Variants in RIMS2 observed in about 807,000 individuals in gnomAD.
The protein encoded by RIMS2 is regulating synaptic membrane exocytosis protein 2.
In RIMS2, 59 loss-of-function variants were observed where a neutral mutation model predicts 174.4. The ratio of observed to expected loss-of-function variants is 0.34; its 90% CI spans 0.27 to 0.42. The LOEUF is 0.42. Among genes scored for constraint, RIMS2 ranks in the 10% least tolerant of loss-of-function variants. The pLI, the probability that RIMS2 is intolerant of heterozygous loss-of-function variation, is 1.00. For synonymous variants in RIMS2, 606 were observed against 572.5 expected (o/e 1.06, Z -0.84); for missense variants, 1,620 against 1,666.3 (o/e 0.97, Z 0.48).
intron 19 of RIMS2, among the ~76,000 whole-genome samples, chr8:104,105,206 G>A (rs183763149): frequency 1.3e-5 from 2 of 152,266 alleles, no homozygotes; most frequent in Non-Finnish European, 2.9e-5. Context: ...GGTGTCGGGA[G>A]GGGCAGAGGT....
chr8:103,814,395 C>T (rs765346960), intron 3 of RIMS2, among the ~76,000 whole-genome samples: 9 of 150,788 alleles, frequency 6.0e-5, no homozygotes, highest in Non-Finnish European at 1.2e-4. Context: ...ACATGTACCC[C>T]TAAACTTAAA....
chr8:103,962,406 GGATTCATT>G (rs1338539470), intron 15 of RIMS2, among the ~76,000 whole-genome samples: 2 of 151,966 alleles, frequency 1.3e-5, no homozygotes, highest in Admixed American at 6.6e-5. Flanking sequence ...TGCTTACTCT[GGATTCATT>G]AAGTTTCTTC....
chr8:103,773,069 A>G (rs185835025), intron 3 of RIMS2, among the ~76,000 whole-genome samples: 1 of 152,148 alleles, frequency 6.6e-6, no homozygotes, highest in Non-Finnish European at 1.5e-5. Context: ...GAACTAGAGG[A>G]TAACTTCTTC....
At chr8:103,528,401 T>A (rs1282070874) in intron 1 of RIMS2, among the ~76,000 whole-genome samples, 1 of 152,188 alleles carries the variant, frequency 6.6e-6, no homozygotes, top group African/African-American at 2.4e-5. Flanking sequence ...TTTAATTAGA[T>A]CCCATTTGTC....
chr8:104,081,250 G>A (rs1192126620), intron 19 of RIMS2, among the ~76,000 whole-genome samples: 4 of 151,772 alleles, frequency 2.6e-5, no homozygotes, highest in African/African-American at 4.8e-5. Context: ...AGCCCTTTTC[G>A]ATTTTCTGCC....
intron 3 of RIMS2, among the ~76,000 whole-genome samples, chr8:103,852,598 A>G (rs115750526): frequency 0.01 from 1,567 of 151,676 alleles, 30 homozygotes; most frequent in African/African-American, 0.036. Context: ...TATTGTTCCC[A>G]TGTTTATGTC....
Position 104,179,479 on chromosome 8 carries a change from G to T in RIMS2, c.3335-65437G>T, listed in dbSNP as rs141379090. ...TCTTTACTAATAATAATGCACAGGA[G>T]AATCCATTTTCACTTGATAAAATAT... On this transcript the variant is annotated intron_variant, in intron 19 of 23. Transcript: ENST00000504942. Among the ~76,000 whole-genome samples, 295 of 151,904 alleles carry T rather than the reference G, an allele frequency of 1.9e-3. 5 individuals carry two copies. Among genetic ancestry groups the T allele is most frequent in the East Asian group, 7.7e-3 (40 of 5,166 alleles).
chr8:103,921,002 G>A (rs867179058), intron 9 of RIMS2: 2 of 196,280 alleles, frequency 1.0e-5, no homozygotes, highest in Non-Finnish European at 2.1e-5. Flanking sequence ...CTGTCTCAAA[G>A]CAACAACAAC....
At chr8:103,575,292 G>A (rs2093132784) in intron 1 of RIMS2, among the ~76,000 whole-genome samples, 1 of 152,148 alleles carries the variant, frequency 6.6e-6, no homozygotes, top group Admixed American at 6.5e-5. Flanking sequence ...AATAGTAGGT[G>A]TTTTAAGGTT....
chr8:103,777,008 A>G (rs765872631), intron 3 of RIMS2, among the ~76,000 whole-genome samples: 2 of 152,232 alleles, frequency 1.3e-5, no homozygotes, highest in African/African-American at 4.8e-5. Context: ...TTTAAAACCA[A>G]TGCTTTTCAA....
At position 103,596,668 on chromosome 8, in the gene RIMS2, AATT is replaced by A. The variant is rs545627406; in HGVS notation, c.176+95611_176+95613del. Among the ~76,000 whole-genome samples, 7 of 152,174 alleles carry A rather than the reference AATT, an allele frequency of 4.6e-5. No individual in the cohort carries two copies. The East Asian group carries it at 1.3e-3, about 29-fold the overall frequency. On this transcript the variant is annotated intron_variant, in intron 1 of 23. Coordinates refer to ENST00000504942, the Ensembl canonical transcript of RIMS2. ...TACCATGTACTCCTTGTACATGTGC[AATT>A]ATTACTTGTCAATAAAAAATAAAAA...
At chr8:103,687,152 T>G (rs75521709) in intron 1 of RIMS2, among the ~76,000 whole-genome samples, 1 of 146,188 alleles carries the variant, frequency 6.8e-6, no homozygotes, top group Non-Finnish European at 1.5e-5. Context: ...TCAAGCTATC[T>G]TTTTTTTTTG....
intron 1 of RIMS2, among the ~76,000 whole-genome samples, chr8:103,515,745 G>T (rs547025487): frequency 1.3e-5 from 2 of 151,776 alleles, no homozygotes; most frequent in Non-Finnish European, 2.9e-5. Context: ...ACTTGTCATC[G>T]CAAATTTATA....
exon 4 of RIMS2, chr8:103,885,798 G>A (rs779028345): frequency 1.2e-6 from 2 of 1,612,892 alleles, no homozygotes; most frequent in Non-Finnish European, 1.7e-6. Context: ...ATATCAGAAC[G>A]TAGAGCTGCC....
chr8:103,564,596 C>A (rs2092095459), intron 1 of RIMS2, among the ~76,000 whole-genome samples: 1 of 152,148 alleles, frequency 6.6e-6, no homozygotes, highest in Admixed American at 6.5e-5. Flanking sequence ...AGTCCAAAAG[C>A]TGAAGAACTT....
intron 19 of RIMS2, among the ~76,000 whole-genome samples, chr8:104,016,586 TGGG>T (rs1435786713): frequency 6.6e-6 from 1 of 152,054 alleles, no homozygotes. Context: ...TGCTTAAAAT[TGGG>T]GGCATAGAAT....
Position 103,814,068 on chromosome 8 carries a change from A to G in RIMS2, c.698+47531A>G, listed in dbSNP as rs545655093. Among the ~76,000 whole-genome samples, 6 of 152,322 alleles carry G rather than the reference A, an allele frequency of 3.9e-5. No individual in the cohort carries two copies. In the South Asian group the frequency reaches 1.2e-3, roughly 32 times the overall value. ...TACGCCATGGAATACTATGCGCCAT[A>G]AAAAAGAACAAGATTATGTTTTTTT... is the stretch of plus-strand genomic sequence containing the variant. On this transcript the variant is annotated intron_variant, in intron 3 of 23. Coordinates refer to ENST00000504942, the Ensembl canonical transcript of RIMS2.
At chr8:103,908,345 C>CT (rs1204175173) in intron 4 of RIMS2, among the ~76,000 whole-genome samples, 2 of 152,244 alleles carry the variant, frequency 1.3e-5, no homozygotes, top group South Asian at 2.1e-4. Context: ...CTGGCCAAAA[C>CT]TTTAAGTTTT....
chr8:103,866,101 G>T (rs886690412), intron 3 of RIMS2, among the ~76,000 whole-genome samples: 2 of 152,078 alleles, frequency 1.3e-5, no homozygotes, highest in African/African-American at 4.8e-5. Flanking sequence ...TTTTTAAAAT[G>T]CAGTCCTTAA....
Sources: gnomAD v4.1 joint callset for allele counts (sites outside exome capture counted in the v4.1 genomes callset) on GRCh38, gnomAD v4.1.1 for gene constraint, MANE v1.5 for transcripts, NCBI Gene and HGNC (gene_info 2026-07-23, HGNC 2026-07-21) for gene names.